XRCC4: variants seen among roughly 807,000 people sequenced by gnomAD.
XRCC4 encodes the protein DNA repair protein XRCC4.
XRCC4 carries 28 observed loss-of-function variants against 39.1 expected under a neutral mutation model. That is an observed-to-expected ratio of 0.72 (90% CI 0.53 to 0.98). The LOEUF is 0.98. Among genes scored for constraint, XRCC4 ranks in the 50% least tolerant of loss-of-function variants. The pLI, the probability that XRCC4 is intolerant of heterozygous loss-of-function variation, is 0.00. For synonymous variants in XRCC4, 123 were observed against 126.4 expected (o/e 0.97, Z 0.18); for missense variants, 350 against 376.4 (o/e 0.93, Z 0.58).
intron 3 of XRCC4, among the ~76,000 whole-genome samples, chr5:83,129,540 G>T (rs1216319002): frequency 6.6e-6 from 1 of 151,978 alleles, no homozygotes; most frequent in Non-Finnish European, 1.5e-5. Flanking sequence ...GGTGGGGATG[G>T]CATTGAATCT....
At position 83,325,974 on chromosome 5, in the gene XRCC4, T is replaced by C. The variant is rs116865512; in HGVS notation, c.894-27157T>C. On this transcript the variant is annotated intron_variant, in intron 7 of 7. Coordinates refer to ENST00000396027, the MANE Select transcript of XRCC4 (RefSeq NM_003401.5). The stretch of plus-strand genomic sequence containing the variant: ...TTTGCATCCTCACCAGCATCTGTTG[T>C]TTTTTGACTTTTTAATAGCCATTCT... Among the ~76,000 whole-genome samples, 785 of 152,100 alleles carry C rather than the reference T, an allele frequency of 5.2e-3. 17 individuals are homozygous for C. The East Asian group carries it at 0.076, about 15-fold the overall frequency.
At chr5:83,357,325 A>G (rs754366385), downstream of XRCC4, among the ~76,000 whole-genome samples, 4 of 152,208 alleles carry the variant, frequency 2.6e-5, no homozygotes, top group Non-Finnish European at 4.4e-5. Flanking sequence ...AGTTTTACAC[A>G]TGAAACTACT....
intron 3 of XRCC4, among the ~76,000 whole-genome samples, chr5:83,185,027 C>T (rs930838655): frequency 2.0e-5 from 3 of 151,918 alleles, no homozygotes; most frequent in South Asian, 2.1e-4. Flanking sequence ...GGGATTCTAA[C>T]GTAGAGATTT....
At chr5:83,134,810 A>G (rs1747805597) in intron 3 of XRCC4, among the ~76,000 whole-genome samples, 1 of 152,142 alleles carries the variant, frequency 6.6e-6, no homozygotes, top group African/African-American at 2.4e-5. Context: ...GAAGTTCTGC[A>G]GCTTCACTCC....
Position 83,324,803 on chromosome 5 carries a change from A to C in XRCC4, c.894-28328A>C, listed in dbSNP as rs201404505. 1.1e-4 allele frequency among the ~76,000 whole-genome samples: 17 copies of C among 152,250 alleles called. No homozygotes were observed. In the East Asian group the frequency reaches 2.7e-3, roughly 24 times the overall value. ...TTAGGTAGTACCTTAGGGAGAGTAA[A>C]GATTTTGATTGACTCAAGATAATAT... On this transcript the variant is annotated intron_variant, in intron 7 of 7. Coordinates refer to ENST00000396027, the MANE Select transcript of XRCC4 (RefSeq NM_003401.5).
chr5:83,168,295 T>C (rs1386717021), intron 3 of XRCC4, among the ~76,000 whole-genome samples: 2 of 152,128 alleles, frequency 1.3e-5, no homozygotes, highest in African/African-American at 2.4e-5. Flanking sequence ...GTGCTAAGAA[T>C]AGGGGAGACC....
intron 1 of XRCC4, among the ~76,000 whole-genome samples, chr5:83,104,379 T>C (rs1300260354): frequency 1.3e-5 from 2 of 152,210 alleles, no homozygotes; most frequent in Non-Finnish European, 2.9e-5. Context: ...CAGGTCATTC[T>C]CACAAGTTCT....
chr5:83,115,764 CA>C (rs1284099006), intron 3 of XRCC4, among the ~76,000 whole-genome samples: 1 of 152,212 alleles, frequency 6.6e-6, no homozygotes, highest in Non-Finnish European at 1.5e-5. Context: ...ACCAGCAATG[CA>C]AAAAGTGTGC....
At chr5:83,340,820 T>A (rs929150868) in intron 7 of XRCC4, among the ~76,000 whole-genome samples, 39 of 152,204 alleles carry the variant, frequency 2.6e-4, no homozygotes, top group African/African-American at 9.4e-4. Context: ...CAAAAACAGC[T>A]CATCCCACGC....
chr5:83,126,101 T>A (rs2112460758), intron 3 of XRCC4, among the ~76,000 whole-genome samples: 1 of 151,806 alleles, frequency 6.6e-6, no homozygotes, highest in South Asian at 2.1e-4. Flanking sequence ...ACTTTTAAAA[T>A]CAGTTTTACT....
intron 3 of XRCC4, among the ~76,000 whole-genome samples, chr5:83,124,176 C>T (rs1325009055): frequency 6.6e-6 from 1 of 151,938 alleles, no homozygotes; most frequent in Non-Finnish European, 1.5e-5. Flanking sequence ...AATTTGGTTC[C>T]ACATATGGAT....
At chr5:83,080,523 C>A (rs1333573826) in intron 1 of XRCC4, among the ~76,000 whole-genome samples, 44 of 108,838 alleles carry the variant, frequency 4.0e-4, no homozygotes, top group Non-Finnish European at 7.6e-4. Context: ...GAGACTCCAT[C>A]TCAAAAAAAA....
chr5:83,347,244 G>A (rs1190881240), intron 7 of XRCC4, among the ~76,000 whole-genome samples: 1 of 151,998 alleles, frequency 6.6e-6, no homozygotes, highest in Non-Finnish European at 1.5e-5. Flanking sequence ...GTAAAAAAAA[G>A]GCTGTGAATG....
chr5:83,113,436 G>T (rs1284430958), intron 3 of XRCC4, among the ~76,000 whole-genome samples: 2 of 152,246 alleles, frequency 1.3e-5, no homozygotes, highest in East Asian at 3.9e-4. Context: ...GCTGTCGGTG[G>T]ATCTACCATT....
intron 7 of XRCC4, among the ~76,000 whole-genome samples, chr5:83,350,955 T>C (rs922788635): frequency 6.6e-6 from 1 of 152,138 alleles, no homozygotes; most frequent in African/African-American, 2.4e-5. Context: ...TGTTGAAAGG[T>C]AGGGCAATAT....
intron 1 of XRCC4, among the ~76,000 whole-genome samples, chr5:83,090,665 G>C (rs1000244344): frequency 2.0e-5 from 3 of 152,054 alleles, no homozygotes; most frequent in Non-Finnish European, 4.4e-5. Flanking sequence ...CTGGTGACCA[G>C]CTCCATCCTG....
chr5:83,256,020 C>A (rs1753524823), intron 6 of XRCC4, among the ~76,000 whole-genome samples: 1 of 152,150 alleles, frequency 6.6e-6, no homozygotes, highest in African/African-American at 2.4e-5. Flanking sequence ...CTCATGAAAA[C>A]CCATATGTAA....
intron 4 of XRCC4, among the ~76,000 whole-genome samples, chr5:83,198,679 A>T (rs1751051124): frequency 6.6e-6 from 1 of 152,140 alleles, no homozygotes; most frequent in Non-Finnish European, 1.5e-5. Context: ...ATTTGGGATG[A>T]TGGTGGAGAA....
intron 7 of XRCC4, among the ~76,000 whole-genome samples, chr5:83,305,270 GC>G (rs1482314399): frequency 5.9e-5 from 9 of 151,648 alleles, no homozygotes; most frequent in African/African-American, 1.9e-4. Flanking sequence ...GTTAACTAAA[GC>G]CCACAGTAAC....
Sources: gnomAD v4.1 joint callset for allele counts (sites outside exome capture counted in the v4.1 genomes callset) on GRCh38, gnomAD v4.1.1 for gene constraint, MANE v1.5 for transcripts, NCBI Gene and HGNC (gene_info 2026-07-23, HGNC 2026-07-21) for gene names.